ZNF536: variants seen among roughly 807,000 people sequenced by gnomAD.
ZNF536 encodes zinc finger protein 536.
In ZNF536, 13 loss-of-function variants were observed where a neutral mutation model predicts 84.5. The ratio of observed to expected loss-of-function variants is 0.15; its 90% CI spans 0.10 to 0.24. The LOEUF (loss-of-function observed/expected upper bound fraction) is 0.24, where lower values mean the gene tolerates loss of function less well. Ranked by LOEUF, ZNF536 falls within the 10% of genes least tolerant of loss-of-function variation. The pLI is 1.00. For missense variants in ZNF536, 1,536 were observed against 1,747.5 expected (o/e 0.88, Z 2.16); for synonymous variants, 811 against 742.5 (o/e 1.09, Z -1.50).
intron 2 of ZNF536, among the ~76,000 whole-genome samples, chr19:30,446,998 A>C (rs2052383654): frequency 6.6e-6 from 1 of 152,222 alleles, no homozygotes; most frequent in African/African-American, 2.4e-5. Flanking sequence ...TACTGTAATC[A>C]TTCTGCAGCC....
chr19:30,703,686 C>T (rs1600331219), intron 1 of ZNF536, among the ~76,000 whole-genome samples: 1 of 152,180 alleles, frequency 6.6e-6, no homozygotes, highest in Admixed American at 6.5e-5. Flanking sequence ...GATGAAGAAC[C>T]AGGCAGAGCT....
At chr19:30,628,348 C>T (rs1236862068) in intron 1 of ZNF536, among the ~76,000 whole-genome samples, 1 of 152,212 alleles carries the variant, frequency 6.6e-6, no homozygotes, top group Non-Finnish European at 1.5e-5. Flanking sequence ...CCTGTGCTTT[C>T]CAACAGACAT....
At chr19:30,562,218 C>T (rs181001068), downstream of ZNF536, among the ~76,000 whole-genome samples, 193 of 152,220 alleles carry the variant, frequency 1.3e-3, 2 homozygotes, top group African/African-American at 4.6e-3. Context: ...TTTTCCAGTC[C>T]TCACTTTTCA....
intron 2 of ZNF536, among the ~76,000 whole-genome samples, chr19:30,319,237 G>A (rs1324007243): frequency 6.6e-6 from 1 of 152,194 alleles, no homozygotes; most frequent in South Asian, 2.1e-4. Flanking sequence ...GGCACCCTCC[G>A]ATGTTCAGAT....
chr19:30,524,874 AAGG>A (rs1374935842), intron 2 of ZNF536, among the ~76,000 whole-genome samples: 29 of 152,260 alleles, frequency 1.9e-4, no homozygotes, highest in Admixed American at 1.4e-3. Flanking sequence ...TGTTTAAAGA[AAGG>A]AGTACTTAAT....
chr19:30,700,301 C>T (rs1012103758), intron 1 of ZNF536, among the ~76,000 whole-genome samples: 34 of 140,300 alleles, frequency 2.4e-4, no homozygotes, highest in East Asian at 1.9e-3. Context: ...TCCCTCCTTC[C>T]CTCTCCCTCT....
intron 3 of ZNF536, among the ~76,000 whole-genome samples, chr19:30,359,965 C>T (rs1234638863): frequency 6.6e-6 from 1 of 152,236 alleles, no homozygotes; most frequent in South Asian, 2.1e-4. Flanking sequence ...AGTGTCAGGG[C>T]TGCCCTGCCC....
Position 30,233,717 on chromosome 19 carries a change from G to A in ZNF536, c.-190+5044G>A, listed in dbSNP as rs114990647. 7.2e-3 allele frequency among the ~76,000 whole-genome samples: 1,103 copies of A among 152,210 alleles called. 10 individuals carry two copies. Among genetic ancestry groups the A allele is most frequent in the African/African-American group, 0.025 (1,034 of 41,524 alleles). On this transcript the variant is annotated intron_variant, in intron 1 of 5. Transcript: ENST00000585628. ...GCTTTACACCTTCCTTATGATGCAG[G>A]TACTATATATGTCCAGAATTCAGGA...
intron 4 of ZNF536, 61 bp downstream of exon 4, chr19:30,549,575 A>T (rs980078191): frequency 4.4e-5 from 62 of 1,420,292 alleles, no homozygotes; most frequent in Non-Finnish European, 5.5e-5. Flanking sequence ...TGAATTGTGC[A>T]TTTAAAAAAA....
chr19:30,570,657 G>T (rs764695149), intron 1 of ZNF536, among the ~76,000 whole-genome samples: 1 of 151,808 alleles, frequency 6.6e-6, no homozygotes, highest in Non-Finnish European at 1.5e-5. Flanking sequence ...ACAGGCTGGC[G>T]GAAAACAGTC....
chr19:30,584,409 A>G (rs1410783972), intron 1 of ZNF536, among the ~76,000 whole-genome samples: 1 of 152,208 alleles, frequency 6.6e-6, no homozygotes, highest in African/African-American at 2.4e-5. Context: ...GTCTGGGTGT[A>G]GTGGAAAGTG....
intron 2 of ZNF536, among the ~76,000 whole-genome samples, chr19:30,304,918 T>C (rs940632059): frequency 6.6e-6 from 1 of 152,328 alleles, no homozygotes; most frequent in Non-Finnish European, 1.5e-5. Flanking sequence ...TCCTGACAGT[T>C]TGCAAAGATG....
chr19:30,469,131 A>G (rs1037949885), intron 2 of ZNF536, among the ~76,000 whole-genome samples: 9 of 152,078 alleles, frequency 5.9e-5, no homozygotes, highest in East Asian at 1.9e-4. Context: ...AAAGAAAGGA[A>G]TGACCGGGCA....
chr19:30,423,976 G>T (rs540009419), intron 1 of ZNF536, among the ~76,000 whole-genome samples: 175 of 152,292 alleles, frequency 1.1e-3, no homozygotes, highest in African/African-American at 4.0e-3. Context: ...AGTTTCCCAG[G>T]GTCTGGGCAG....
At chr19:30,352,199 G>A (rs1390481110) in intron 2 of ZNF536, among the ~76,000 whole-genome samples, 2 of 152,194 alleles carry the variant, frequency 1.3e-5, no homozygotes, top group Admixed American at 6.5e-5. Context: ...TCTACAGCAC[G>A]TCACCGGTGG....
At chr19:30,691,406 C>T (rs1275129227) in intron 1 of ZNF536, among the ~76,000 whole-genome samples, 1 of 136,352 alleles carries the variant, frequency 7.3e-6, no homozygotes, top group Non-Finnish European at 1.7e-5. Flanking sequence ...GTCACCGAGA[C>T]ATTCCTCAAC....
chr19:30,414,272 T>A (rs1600635521), intron 1 of ZNF536, among the ~76,000 whole-genome samples: 1 of 152,246 alleles, frequency 6.6e-6, no homozygotes, highest in East Asian at 1.9e-4. Flanking sequence ...ACATAAAGAA[T>A]ATAAAACTGG....
At chr19:30,351,157 T>A (rs1221372993) in intron 2 of ZNF536, among the ~76,000 whole-genome samples, 3 of 152,310 alleles carry the variant, frequency 2.0e-5, no homozygotes, top group Non-Finnish European at 2.9e-5. Context: ...CTGGGGCATT[T>A]TTTTTATAAC....
chr19:30,652,691 G>C (rs1007673820), intron 1 of ZNF536, among the ~76,000 whole-genome samples: 1 of 152,296 alleles, frequency 6.6e-6, no homozygotes, highest in Non-Finnish European at 1.5e-5. Context: ...CCTGGGTCTG[G>C]AGTCAGTAGC....
Sources: gnomAD v4.1 joint callset for allele counts (sites outside exome capture counted in the v4.1 genomes callset) on GRCh38, gnomAD v4.1.1 for gene constraint, MANE v1.5 for transcripts, NCBI Gene and HGNC (gene_info 2026-07-23, HGNC 2026-07-21) for gene names.